The following ACTN2 variants were observed in gnomAD, a reference collection of about 807,000 sequenced individuals.
ACTN2 encodes actinin alpha 2.
Under a neutral mutation model 113.8 loss-of-function variants are expected in ACTN2, and 39 were observed. That is an observed-to-expected ratio of 0.34 (90% confidence interval 0.27 to 0.45). ACTN2 has a LOEUF of 0.45. ACTN2 is among the 20% of genes least tolerant of loss of function. The probability of loss-of-function intolerance (pLI) is 1.00; values close to 1 mark genes in which losing one functional copy is unlikely to be tolerated. For synonymous variants in ACTN2, 429 were observed against 444.1 expected (o/e 0.97, Z 0.43); for missense variants, 992 against 1,177.9 (o/e 0.84, Z 2.31).
intron 1 of ACTN2, among the ~76,000 whole-genome samples, chr1:236,712,243 A>G (rs1264679566): frequency 6.6e-6 from 1 of 152,236 alleles, no homozygotes; most frequent in Non-Finnish European, 1.5e-5. Context: ...GCGTAGGAAC[A>G]GTCTCCCTAG....
rs554001693 is a variant in ACTN2 at position 236,759,570 on chromosome 1, T to G, written c.2302-154T>G. ...AAGAAACTAGTTTGTAACATCCTTG[T>G]GCTGGCTCCATCCTTCTCGCAAGTC... is the stretch of plus-strand genomic sequence containing the variant. On this transcript the variant is annotated intron_variant, in intron 18 of 20. Coordinates refer to ENST00000366578, the MANE Select transcript of ACTN2 (RefSeq NM_001103.4). Among the ~76,000 whole-genome samples, 19 of 152,354 alleles carry G rather than the reference T, an allele frequency of 1.2e-4. No homozygotes were observed. In the South Asian group the frequency reaches 3.5e-3, roughly 28 times the overall value.
chr1:236,715,037 A>T (rs1658133906), intron 1 of ACTN2, among the ~76,000 whole-genome samples: 9 of 151,936 alleles, frequency 5.9e-5, no homozygotes. Context: ...CACTGAAGGG[A>T]TATGCAAGAG....
intron 8 of ACTN2, 88 bp from the exon 9 acceptor site, chr1:236,737,034 C>T (rs1560314): frequency 1.4e-3 from 1,558 of 1,103,994 alleles, no homozygotes; most frequent in Middle Eastern, 2.1e-3. Flanking sequence ...CCACCCTCCT[C>T]GTCCCCTCTC....
chr1:236,686,636 C>T lies in ACTN2; in HGVS notation c.-38C>T. On this transcript the variant is annotated 5_prime_UTR_variant, in exon 1 of 21. Coordinates refer to ENST00000366578, the MANE Select transcript of ACTN2 (RefSeq NM_001103.4). The stretch of plus-strand genomic sequence containing the variant: ...TGCCAGTCAGCCCGTGCGTCCGAGC[C>T]CCTCGCGCCCCGCCGCAGCCCCGGC... 1.3e-6 allele frequency: 2 copies of T among 1,532,968 alleles called. No homozygotes were observed. Among genetic ancestry groups the T allele is most frequent in the Non-Finnish European group, 1.8e-6 (2 of 1,139,736 alleles). 95.0% of individuals were successfully genotyped at this position (1,532,968 alleles called of 1,614,324 possible). A position where few individuals can be genotyped will look rare whatever the true frequency, so the allele number is the denominator to read the frequency against.
intron 11 of ACTN2, among the ~76,000 whole-genome samples, chr1:236,743,287 C>T (rs1269946002): frequency 1.3e-5 from 2 of 152,292 alleles, no homozygotes; most frequent in South Asian, 4.1e-4. Flanking sequence ...TCTTTACATA[C>T]CTACCTACAT....
chr1:236,722,922 A>G (rs902923049), intron 4 of ACTN2, among the ~76,000 whole-genome samples: 2 of 152,202 alleles, frequency 1.3e-5, no homozygotes, highest in African/African-American at 4.8e-5. Flanking sequence ...CCTTTTGCTG[A>G]AAGCCTAAAA....
At chr1:236,694,415 G>A (rs1657410556) in intron 1 of ACTN2, among the ~76,000 whole-genome samples, 1 of 151,502 alleles carries the variant, frequency 6.6e-6, no homozygotes, top group African/African-American at 2.4e-5. Context: ...TAGAGACGGG[G>A]TTTCTCCATG....
chr1:236,754,207 G>A lies in ACTN2; in HGVS notation c.1974+126G>A. 1 of 1,279,286 alleles carries A rather than the reference G, an allele frequency of 7.8e-7. No homozygotes were observed. Among genetic ancestry groups the A allele is most frequent in the Admixed American group, 1.8e-5 (1 of 54,630 alleles). 79.2% of individuals were successfully genotyped at this position (1,279,286 alleles called of 1,614,324 possible). ...CTCAGTCAGGTGGGAGCACCGTTCT[G>A]TTATCACCCCGGCTTTATCTTTCAG... is the stretch of plus-strand genomic sequence containing the variant. On this transcript the variant is annotated intron_variant, in intron 16 of 20. Coordinates refer to ENST00000366578, the MANE Select transcript of ACTN2 (RefSeq NM_001103.4). The surrounding 1 kb of genome is among the most constrained non-coding windows in gnomAD (Gnocchi z 4.9).
At chr1:236,697,590 G>A (rs1237810323) in intron 1 of ACTN2, among the ~76,000 whole-genome samples, 1 of 152,170 alleles carries the variant, frequency 6.6e-6, no homozygotes, top group Non-Finnish European at 1.5e-5. Context: ...GGAACCATCT[G>A]AACTGTCAAG....
chr1:236,699,328 C>T (rs1443686232), intron 1 of ACTN2, among the ~76,000 whole-genome samples: 5 of 152,152 alleles, frequency 3.3e-5, no homozygotes, highest in Non-Finnish European at 5.9e-5. Flanking sequence ...AGTGAGAAAA[C>T]GGAATTTTGA....
intron 6 of ACTN2, among the ~76,000 whole-genome samples, chr1:236,729,880 G>T (rs1044017384): frequency 6.6e-6 from 1 of 152,192 alleles, no homozygotes; most frequent in African/African-American, 2.4e-5. Flanking sequence ...AACATCCGTA[G>T]ATCTGTAGTA....
chr1:236,722,912 C>G (rs1164156706), intron 4 of ACTN2, among the ~76,000 whole-genome samples: 1 of 152,160 alleles, frequency 6.6e-6, no homozygotes, highest in African/African-American at 2.4e-5. Context: ...AGGTTGTTAA[C>G]CTTTTGCTGA....
chr1:236,753,815 C>T, intron 15 of ACTN2, 132 bp from the exon 16 acceptor site: 1 of 1,140,988 alleles, frequency 8.8e-7, no homozygotes, highest in Non-Finnish European at 1.3e-6. Flanking sequence ...TCTTCCTTCC[C>T]CCTACACCCT....
chr1:236,749,830 C>T (rs904954714), intron 14 of ACTN2, among the ~76,000 whole-genome samples: 14 of 152,138 alleles, frequency 9.2e-5, no homozygotes, highest in Non-Finnish European at 2.1e-4. Flanking sequence ...ACGACAACTA[C>T]AACTACAACA....
At position 236,754,980 on chromosome 1, in the gene ACTN2, C is replaced by A; in HGVS notation, c.1975-39C>A. 1 of 1,613,732 alleles carries A rather than the reference C, an allele frequency of 6.2e-7. No individual in the cohort carries two copies. Among genetic ancestry groups the A allele is most frequent in the Non-Finnish European group, 8.5e-7 (1 of 1,179,850 alleles). Reference sequence around the variant, plus strand: ...CCGAGCTCCCTTAGAGGGCACTTCACTCTGCTTCTCTCTCTGCTTGCTCAC... The same window carrying A: ...CCGAGCTCCCTTAGAGGGCACTTCAATCTGCTTCTCTCTCTGCTTGCTCAC... On this transcript the variant is annotated intron_variant, in intron 16 of 20. Coordinates refer to ENST00000366578, the MANE Select transcript of ACTN2 (RefSeq NM_001103.4). The surrounding 1 kb of genome is among the most constrained non-coding windows in gnomAD (Gnocchi z 4.9).
intron 9 of ACTN2, among the ~76,000 whole-genome samples, chr1:236,738,092 C>T (rs561185851): frequency 1.3e-5 from 2 of 152,336 alleles, no homozygotes; most frequent in African/African-American, 4.8e-5. Context: ...GCACTGCAAC[C>T]TCCGCCCCCA....
chr1:236,735,790 A>G, intron 8 of ACTN2, 70 bp downstream of exon 8: 2 of 1,323,668 alleles, frequency 1.5e-6, no homozygotes, highest in Non-Finnish European at 2.2e-6. Flanking sequence ...TGCATACTTG[A>G]GTGTGTGTTT....
At position 236,749,271 on chromosome 1, in the gene ACTN2, G is replaced by A. The variant is rs966702416; in HGVS notation, c.1656+7G>A. On this transcript the variant is annotated splice_region_variant and intron_variant, in intron 14 of 20. Coordinates refer to ENST00000366578, the MANE Select transcript of ACTN2 (RefSeq NM_001103.4). Reference sequence around the variant, plus strand: ...CAGCATTGAGGAGATCCAGGTAATGGAACCGCAACTCTGTATGCCCTATGC... The same window carrying A: ...CAGCATTGAGGAGATCCAGGTAATGAAACCGCAACTCTGTATGCCCTATGC... 1 of 1,613,984 alleles carries A rather than the reference G, an allele frequency of 6.2e-7. No homozygotes were observed. Among genetic ancestry groups the A allele is most frequent in the Non-Finnish European group, 8.5e-7 (1 of 1,180,036 alleles).
At chr1:236,707,658 GCTTTTCTTTTCTTTTTTCTTTTCTTT>G (rs1424794299) in intron 1 of ACTN2, among the ~76,000 whole-genome samples, 1,438 of 112,886 alleles carry the variant, frequency 0.013, 13 homozygotes, top group Non-Finnish European at 0.018. Flanking sequence ...GATTCATAGT[GCTTTTCTTTTCTTTTTTCTTTTCTTT>G]CTTTTCTTTT....
Sources: allele counts gnomAD v4.1 joint callset (sites outside exome capture counted in the v4.1 genomes callset), GRCh38; gene constraint gnomAD v4.1.1; non-coding constraint Gnocchi (gnomAD v3.1); transcripts MANE v1.5; gene names NCBI Gene and HGNC (gene_info 2026-07-23, HGNC 2026-07-21).